PRAG1: variants seen among roughly 807,000 people sequenced by gnomAD.
The protein encoded by PRAG1 is inactive tyrosine-protein kinase PRAG1.
A neutral mutation model predicts 95.6 loss-of-function variants in PRAG1; 110 were observed. That is an observed-to-expected ratio of 1.15 (90% CI 0.99 to 1.35). The LOEUF (loss-of-function observed/expected upper bound fraction) is 1.35, where lower values mean the gene tolerates loss of function less well. Among genes scored for constraint, PRAG1 ranks in the 40% most tolerant of loss-of-function variants. The pLI is 0.00. For missense variants in PRAG1, 2,554 were observed against 1,864.7 expected (o/e 1.37, Z -6.81); for synonymous variants, 1,052 against 819.4 (o/e 1.28, Z -4.85).
At position 8,377,798 on chromosome 8, in the gene PRAG1, T is replaced by A. The variant is rs561023350; in HGVS notation, c.611A>T (p.Gln204Leu). The A allele has an allele frequency of 6.2e-7, 1 of 1,614,026 alleles. No homozygotes were observed. Among genetic ancestry groups the A allele is most frequent in the Non-Finnish European group, 8.5e-7 (1 of 1,180,034 alleles). ...AGCCAGTTTCTGGCGGAAGCTCTCC[T>A]GGGTGGAGGGCCGGTCTTGGTAAGG... ...SFPYQDRPST[Q>L]ESFRQKLAAF... The change falls in exon 3 of 6, where the codon CAG becomes CTG. Residue 204 changes from glutamine (Q) to leucine (L), a missense_variant. By Grantham distance (113) the Gln-to-Leu change is moderately radical. Coordinates refer to ENST00000615670, the MANE Select transcript of PRAG1 (RefSeq NM_001080826.3).
rs900260621 is a variant in PRAG1 at position 8,352,244 on chromosome 8, G to T, written c.2163-12609C>A. Among the ~76,000 whole-genome samples, 11 of 152,192 alleles carry T rather than the reference G, an allele frequency of 7.2e-5. No individual in the cohort carries two copies. In the South Asian group the frequency reaches 1.2e-3, roughly 17 times the overall value. On this transcript the variant is annotated intron_variant, in intron 3 of 5. Transcript: ENST00000615670. ...CAATAAGGAGCAGACACCATCACAG[G>T]TTCTCTCCACACTCCCTGATCAATT...
chr8:8,349,748 A>T (rs1256180370), intron 3 of PRAG1, among the ~76,000 whole-genome samples: 1 of 152,104 alleles, frequency 6.6e-6, no homozygotes, highest in Non-Finnish European at 1.5e-5. Flanking sequence ...AATCAGTTTC[A>T]TCTTTGGTCA....
At chr8:8,354,215 A>C (rs1355105592) in intron 3 of PRAG1, among the ~76,000 whole-genome samples, 2 of 152,168 alleles carry the variant, frequency 1.3e-5, no homozygotes, top group Non-Finnish European at 2.9e-5. Context: ...TTCAATATTG[A>C]ATCAGGAAGA....
At chr8:8,370,057 G>A (rs890396590) in intron 3 of PRAG1, among the ~76,000 whole-genome samples, 7 of 152,198 alleles carry the variant, frequency 4.6e-5, no homozygotes, top group African/African-American at 1.4e-4. Flanking sequence ...ATAAATTAAA[G>A]AAAGAATCTC....
Position 8,377,062 on chromosome 8 carries a change from A to G in PRAG1, c.1347T>C (p.Asn449=). 6.2e-7 allele frequency: 1 copy of G among 1,613,974 alleles called. No individual in the cohort carries two copies. Among genetic ancestry groups the G allele is most frequent in the South Asian group, 1.1e-5 (1 of 91,082 alleles). ...AQGQGQVCTG[N]AWAQKAASGW... ...CAGATGCTGCTTTCTGGGCCCAGGC[A>G]TTACCTGTGCATACCTGGCCTTGGC... Residue 449 remains asparagine, a synonymous_variant, in exon 3 of 6, where the codon AAT becomes AAC. Transcript: ENST00000615670.
chr8:8,343,659 T>A (rs1799243164), intron 3 of PRAG1, among the ~76,000 whole-genome samples: 1 of 152,228 alleles, frequency 6.6e-6, no homozygotes, highest in African/African-American at 2.4e-5. Context: ...AACAAACTTT[T>A]CCTTAAAGGG....
chr8:8,319,041 G>A lies in PRAG1; in HGVS notation c.3334C>T (p.Gln1112Ter). 3 of 1,612,988 alleles carry A rather than the reference G, an allele frequency of 1.9e-6. No homozygotes were observed. Among genetic ancestry groups the A allele is most frequent in the Non-Finnish European group, 2.5e-6 (3 of 1,179,818 alleles). ...CGCTCGTACGCCTCGGGCTCCGCCTGGTGGCTGGCCGCCGAGTCCCGCACG... is the reference window on the plus strand; with the variant it reads ...CGCTCGTACGCCTCGGGCTCCGCCTAGTGGCTGGCCGCCGAGTCCCGCACG... ...DFVRDSAASH[Q>*]AEPEAYERRV... The change falls in exon 6 of 6, where the codon CAG becomes TAG. Residue 1112 changes from glutamine (Q) to a stop codon, truncating the protein, a stop_gained. Coordinates refer to ENST00000615670, the MANE Select transcript of PRAG1 (RefSeq NM_001080826.3). LOFTEE classifies it high-confidence loss of function.
At chr8:8,349,176 T>C (rs1799439161) in intron 3 of PRAG1, among the ~76,000 whole-genome samples, 1 of 152,212 alleles carries the variant, frequency 6.6e-6, no homozygotes, top group Admixed American at 6.5e-5. Context: ...TTCACAAATC[T>C]TGTAGTTTTT....
intron 4 of PRAG1, among the ~76,000 whole-genome samples, chr8:8,332,537 T>C (rs562050442): frequency 5.3e-5 from 8 of 152,182 alleles, no homozygotes; most frequent in Non-Finnish European, 1.0e-4. Context: ...CCTAACGCAT[T>C]CTTCCTCTGA....
At chr8:8,353,965 C>T (rs1367866273) in intron 3 of PRAG1, among the ~76,000 whole-genome samples, 1 of 150,040 alleles carries the variant, frequency 6.7e-6, no homozygotes, top group East Asian at 2.0e-4. Flanking sequence ...AACAGAAAAG[C>T]CACATAAGGA....
chr8:8,354,683 T>A (rs1799631374), intron 3 of PRAG1, among the ~76,000 whole-genome samples: 1 of 152,112 alleles, frequency 6.6e-6, no homozygotes, highest in African/African-American at 2.4e-5. Context: ...AGAAACCACA[T>A]CTAAATTGAC....
chr8:8,373,325 G>A (rs933639990), intron 3 of PRAG1, among the ~76,000 whole-genome samples: 2 of 152,124 alleles, frequency 1.3e-5, no homozygotes, highest in Admixed American at 6.5e-5. Flanking sequence ...AGGGAGATCC[G>A]AAAGATAATG....
chr8:8,379,488 G>A (rs1800561396), intron 2 of PRAG1, among the ~76,000 whole-genome samples: 1 of 152,214 alleles, frequency 6.6e-6, no homozygotes, highest in South Asian at 2.1e-4. Flanking sequence ...ATGGCCTGGA[G>A]AATGGGTGTA....
chr8:8,333,516 G>C (rs942687955), intron 4 of PRAG1, among the ~76,000 whole-genome samples: 40 of 152,202 alleles, frequency 2.6e-4, no homozygotes, highest in African/African-American at 9.2e-4. Context: ...TTCAGTGGTT[G>C]GGAAGAACAG....
chr8:8,369,885 G>C (rs1418957790), intron 3 of PRAG1, among the ~76,000 whole-genome samples: 1 of 151,940 alleles, frequency 6.6e-6, no homozygotes, highest in Non-Finnish European at 1.5e-5. Flanking sequence ...TCAACAAAGG[G>C]AATCAAAGCA....
chr8:8,328,601 T>C (rs1026533638), intron 4 of PRAG1, 140 bp from the exon 5 acceptor site: 15 of 865,468 alleles, frequency 1.7e-5, no homozygotes, highest in Non-Finnish European at 2.5e-5. Flanking sequence ...ATTTCTCTAA[T>C]AGACAATATA....
intron 1 of PRAG1, among the ~76,000 whole-genome samples, chr8:8,384,467 GACGCAAAGATTTTTAA>G (rs1219991129): frequency 6.6e-6 from 1 of 152,026 alleles, no homozygotes; most frequent in Non-Finnish European, 1.5e-5. Flanking sequence ...GGGACGGATG[GACGCAAAGATTTTTAA>G]AGGGAAGTCA....
intron 3 of PRAG1, among the ~76,000 whole-genome samples, chr8:8,350,295 A>G (rs1430739502): frequency 6.6e-6 from 1 of 152,154 alleles, no homozygotes. Flanking sequence ...GGAGCTGCTG[A>G]TGAGCAGGTA....
At chr8:8,350,915 G>C (rs544276868) in intron 3 of PRAG1, among the ~76,000 whole-genome samples, 91 of 151,940 alleles carry the variant, frequency 6.0e-4, no homozygotes, top group Admixed American at 3.9e-4. Flanking sequence ...TGGATGGATG[G>C]ATGGATGGAT....
Sources: allele counts gnomAD v4.1 joint callset (sites outside exome capture counted in the v4.1 genomes callset), GRCh38; gene constraint gnomAD v4.1.1; transcripts MANE v1.5; gene names NCBI Gene and HGNC (gene_info 2026-07-23, HGNC 2026-07-21).